EDA: variants seen among roughly 807,000 people sequenced by gnomAD.
EDA encodes ectodysplasin-A.
In EDA, 2 loss-of-function variants were observed where a neutral mutation model predicts 23.6. The observed-to-expected ratio is 0.08, with a 90% CI of 0.03 to 0.27. The LOEUF is 0.27. EDA is among the 10% of genes least tolerant of loss of function. The pLI is 1.00. For missense variants in EDA, 229 were observed against 324.2 expected, an observed-to-expected ratio of 0.71 and a Z score of 2.26; for synonymous variants, 131 against 132.0, an observed-to-expected ratio of 0.99 and a Z score of 0.05.
chrX:69,708,908 C>T (rs1175050511), intron 1 of EDA, among the ~76,000 whole-genome samples: 2 of 110,803 alleles, frequency 1.8e-5, no homozygotes, highest in Non-Finnish European at 3.8e-5. Context: ...ATAGCAAGAC[C>T]CAGAAGAAAT....
intron 1 of EDA, among the ~76,000 whole-genome samples, chrX:69,637,494 G>A (rs755094387): frequency 9.0e-6 from 1 of 111,316 alleles, no homozygotes; most frequent in African/African-American, 3.3e-5. Context: ...TAACTGACCT[G>A]TGGATATGAA....
intron 2 of EDA, among the ~76,000 whole-genome samples, chrX:69,977,084 T>C (rs1021626237): frequency 8.9e-6 from 1 of 111,921 alleles, no homozygotes; most frequent in African/African-American, 3.2e-5. Flanking sequence ...AATTTTTAAA[T>C]CATATTCTAT....
intron 1 of EDA, among the ~76,000 whole-genome samples, chrX:69,688,314 T>A (rs1934607580): frequency 8.9e-6 from 1 of 111,989 alleles, no homozygotes; most frequent in Non-Finnish European, 1.9e-5. Context: ...GAGGTGATAC[T>A]TGGACTGCCT....
chrX:69,649,647 C>T (rs1195738944), intron 1 of EDA, among the ~76,000 whole-genome samples: 18 of 105,825 alleles, frequency 1.7e-4, no homozygotes, highest in Admixed American at 1.5e-3. Flanking sequence ...AGTGCAGTGG[C>T]GTGATCTCAG....
intron 1 of EDA, among the ~76,000 whole-genome samples, chrX:69,863,226 C>T (rs2017416970): frequency 9.2e-6 from 1 of 108,974 alleles, no homozygotes; most frequent in South Asian, 4.0e-4. Context: ...AAAGGACCTC[C>T]AGATACTGAT....
At chrX:69,884,636 C>A (rs928117799) in intron 1 of EDA, among the ~76,000 whole-genome samples, 26 of 111,865 alleles carry the variant, frequency 2.3e-4, no homozygotes, top group African/African-American at 8.1e-4. Context: ...TAAGGTTTAT[C>A]CAGGTTGTAG....
At chrX:69,711,183 T>G (rs2147327838) in intron 1 of EDA, among the ~76,000 whole-genome samples, 1 of 111,567 alleles carries the variant, frequency 9.0e-6, no homozygotes, top group East Asian at 2.8e-4. Context: ...ACCTAACTTA[T>G]TGAGAGTTTT....
chrX:69,838,816 C>T (rs2016836716), intron 1 of EDA, among the ~76,000 whole-genome samples: 1 of 111,379 alleles, frequency 9.0e-6, no homozygotes, highest in Non-Finnish European at 1.9e-5. Flanking sequence ...CATGTTTGTT[C>T]CTTAGGTGAT....
chrX:69,723,156 G>A (rs760676970), intron 1 of EDA, among the ~76,000 whole-genome samples: 21 of 111,785 alleles, frequency 1.9e-4, no homozygotes, highest in African/African-American at 6.8e-4. Flanking sequence ...AATTGCAACT[G>A]GCATTCTTAA....
chrX:69,826,924 T>G (rs1184322149), intron 1 of EDA, among the ~76,000 whole-genome samples: 29 of 112,685 alleles, frequency 2.6e-4, no homozygotes, highest in East Asian at 2.2e-3. Context: ...GCATTTGCTT[T>G]TCTGTAAAGT....
intron 1 of EDA, among the ~76,000 whole-genome samples, chrX:69,814,435 TCTTA>T (rs2016031062): frequency 8.8e-6 from 1 of 113,201 alleles, no homozygotes; most frequent in African/African-American, 3.2e-5. Flanking sequence ...ATAAGTTTCC[TCTTA>T]CTTATTTGTA....
chrX:69,762,719 T>C (rs2014347905), intron 1 of EDA, among the ~76,000 whole-genome samples: 1 of 111,851 alleles, frequency 8.9e-6, no homozygotes, highest in African/African-American at 3.3e-5. Flanking sequence ...TGAGTAGAAA[T>C]GAGAGAGAAG....
chrX:70,015,792 C>G (rs1360282648), intron 2 of EDA, among the ~76,000 whole-genome samples: 2 of 111,559 alleles, frequency 1.8e-5, no homozygotes, highest in East Asian at 5.6e-4. Flanking sequence ...AGACCATTGA[C>G]ACTATAAAGC....
intron 1 of EDA, among the ~76,000 whole-genome samples, chrX:69,918,319 G>T (rs1483401979): frequency 9.1e-6 from 1 of 109,893 alleles, no homozygotes; most frequent in Non-Finnish European, 1.9e-5. Context: ...ACCACACCAG[G>T]CTAATTTTTG....
chrX:69,902,218 A>G (rs745882740), intron 1 of EDA, among the ~76,000 whole-genome samples: 1 of 111,716 alleles, frequency 9.0e-6, no homozygotes, highest in African/African-American at 3.2e-5. Context: ...TCCCCATTTC[A>G]TGAGTGACAT....
At chrX:69,902,662 A>C (rs952500349) in intron 1 of EDA, among the ~76,000 whole-genome samples, 1 of 112,002 alleles carries the variant, frequency 8.9e-6, no homozygotes, top group Non-Finnish European at 1.9e-5. Context: ...TTGATGTTTT[A>C]ATTGCTTCTT....
At chrX:69,627,681 C>T (rs761731940) in intron 1 of EDA, among the ~76,000 whole-genome samples, 1 of 112,432 alleles carries the variant, frequency 8.9e-6, no homozygotes, top group South Asian at 3.7e-4. Flanking sequence ...TTCAGCTTCC[C>T]TGTTACAGAT....
chrX:69,974,058 G>A (rs913220014), intron 2 of EDA, among the ~76,000 whole-genome samples: 1 of 107,743 alleles, frequency 9.3e-6, no homozygotes, highest in African/African-American at 3.4e-5. Flanking sequence ...ATATACAAAT[G>A]TGATATAATT....
chrX:69,889,022 T>TATATATATATATATATA (rs2017882922), intron 1 of EDA, among the ~76,000 whole-genome samples: 1 of 27,657 alleles, frequency 3.6e-5, no homozygotes, highest in South Asian at 1.7e-3. Flanking sequence ...ATATATATAT[T>TATATATATATATATATA]ATGTTTTTCC....
Sources: allele counts gnomAD v4.1 joint callset (sites outside exome capture counted in the v4.1 genomes callset), GRCh38; gene constraint gnomAD v4.1.1; transcripts MANE v1.5; gene names NCBI Gene and HGNC (gene_info 2026-07-23, HGNC 2026-07-21).